The following PREX1 variants were observed in gnomAD, a reference collection of about 807,000 sequenced individuals.
PREX1 encodes phosphatidylinositol 3,4,5-trisphosphate-dependent Rac exchanger 1 protein.
PREX1 carries 41 observed loss-of-function variants against 198.3 expected under a neutral mutation model. That is an observed-to-expected ratio of 0.21 (90% CI 0.16 to 0.27). PREX1 has a LOEUF of 0.27. Among genes scored for constraint, PREX1 ranks in the 10% least tolerant of loss-of-function variants. The probability of loss-of-function intolerance (pLI) is 1.00; values close to 1 mark genes in which losing one functional copy is unlikely to be tolerated. For synonymous variants in PREX1, 843 were observed against 887.2 expected (o/e 0.95, Z 0.89); for missense variants, 1,620 against 2,200.7 (o/e 0.74, Z 5.28).
At chr20:48,703,258 T>C (rs761969467) in intron 6 of PREX1, among the ~76,000 whole-genome samples, 13 of 152,214 alleles carry the variant, frequency 8.5e-5, no homozygotes, top group Non-Finnish European at 1.8e-4. Flanking sequence ...GAGACCCCTC[T>C]GGAGACTGGG....
At chr20:48,726,669 G>A (rs1028689201) in intron 4 of PREX1, among the ~76,000 whole-genome samples, 3 of 152,126 alleles carry the variant, frequency 2.0e-5, no homozygotes, top group Non-Finnish European at 2.9e-5. Context: ...GAGCTGAGTT[G>A]TTGGGGAAAA....
intron 1 of PREX1, among the ~76,000 whole-genome samples, chr20:48,776,561 A>G (rs1265471454): frequency 1.3e-5 from 2 of 152,198 alleles, no homozygotes; most frequent in Non-Finnish European, 2.9e-5. Context: ...TCTAAAGCAC[A>G]TGACTCACAG....
At chr20:48,639,646 C>G in intron 30 of PREX1, 120 bp downstream of exon 30, 1 of 1,437,354 alleles carries the variant, frequency 7.0e-7, no homozygotes. Flanking sequence ...TTCTCTTGTC[C>G]TCTCCCTGGT....
At chr20:48,862,780 TAA>T in the PREX1 span, among the ~76,000 whole-genome samples, 528 of 99,242 alleles carry the variant, frequency 5.3e-3, 18 homozygotes, top group African/African-American at 0.017. Context: ...TAAAAAAGCC[TAA>T]AAAAAAAAAT....
chr20:48,722,229 GCA>G (rs2089989498), intron 5 of PREX1, among the ~76,000 whole-genome samples: 1 of 152,188 alleles, frequency 6.6e-6, no homozygotes, highest in Non-Finnish European at 1.5e-5. Flanking sequence ...GCTAATGAGT[GCA>G]TAAACACAAC....
intron 1 of PREX1, among the ~76,000 whole-genome samples, chr20:48,754,032 C>G (rs1302379090): frequency 1.3e-5 from 2 of 152,190 alleles, no homozygotes; most frequent in African/African-American, 4.8e-5. Context: ...GGGACAGAGG[C>G]TGGCACACAG....
intron 1 of PREX1, among the ~76,000 whole-genome samples, chr20:48,764,313 G>A (rs1403950113): frequency 6.6e-6 from 1 of 152,166 alleles, no homozygotes; most frequent in Admixed American, 6.5e-5. Flanking sequence ...TGACCATTGT[G>A]GTGGGCTGAA....
chr20:48,758,809 C>G (rs1254933302), intron 1 of PREX1, among the ~76,000 whole-genome samples: 1 of 152,172 alleles, frequency 6.6e-6, no homozygotes, highest in African/African-American at 2.4e-5. Flanking sequence ...CAAGACAATC[C>G]TATCGAAAAC....
chr20:48,858,132 G>A, the PREX1 span, among the ~76,000 whole-genome samples: 1 of 152,354 alleles, frequency 6.6e-6, no homozygotes, highest in African/African-American at 2.4e-5. Context: ...AGGCCTCCAT[G>A]GTTGGTGGGA....
At chr20:48,651,243 G>T (rs536654392) in intron 22 of PREX1, among the ~76,000 whole-genome samples, 153 bp downstream of exon 22, 1 of 152,382 alleles carries the variant, frequency 6.6e-6, no homozygotes, top group East Asian at 1.9e-4. Flanking sequence ...ACGCTACCTA[G>T]TGGTGGGACA....
rs758754461 is a variant in PREX1, at chr20:48,629,612, G to A, written c.4603C>T (p.Pro1535Ser). The A allele has an allele frequency of 6.2e-7, 1 of 1,614,016 alleles. No homozygotes were observed. Among genetic ancestry groups the A allele is most frequent in the Admixed American group, 1.7e-5 (1 of 60,006 alleles). The change falls in exon 37 of 40, where the codon CCC becomes TCC. Residue 1535 changes from proline (P) to serine (S), a missense_variant. Physicochemically the swap from Pro to Ser is moderately conservative, Grantham distance 74. This residue lies in a region of PREX1 where 476 missense variants were observed against 603.4 expected (regional missense o/e 0.79). Transcript: ENST00000371941. ...TAVKIDQLIR[P>S]INALDELCRL... ...CAGAGCTCATCCAGGGCATTGATGG[G>A]GCGGATCAGCTGTAGGGGGTACCAC...
At chr20:48,800,910 C>T (rs1029717574) in intron 1 of PREX1, among the ~76,000 whole-genome samples, 1 of 152,070 alleles carries the variant, frequency 6.6e-6, no homozygotes, top group Non-Finnish European at 1.5e-5. Context: ...CCCGCCATGG[C>T]CTCCCAAAGT....
intron 1 of PREX1, among the ~76,000 whole-genome samples, chr20:48,802,910 A>G (rs1022750585): frequency 6.6e-5 from 10 of 152,186 alleles, no homozygotes; most frequent in Non-Finnish European, 1.2e-4. Context: ...GGGAGTGAGG[A>G]GCGGGCAAGC....
At chr20:48,759,989 G>A (rs1442425423) in intron 1 of PREX1, among the ~76,000 whole-genome samples, 1 of 151,974 alleles carries the variant, frequency 6.6e-6, no homozygotes, top group African/African-American at 2.4e-5. Flanking sequence ...GCGCACACCT[G>A]TAGTCCCAGC....
In PREX1 at chr20:48,629,615, G is replaced by A. The variant is rs752102307; in HGVS notation, c.4600C>T (p.Arg1534Cys). 5.0e-6 allele frequency: 8 copies of A among 1,613,994 alleles called. No individual in the cohort carries two copies. The highest frequency in any genetic ancestry group is 6.8e-6 in the Non-Finnish European group (8 of 1,179,932). The change falls in exon 37 of 40, where the codon CGC becomes TGC. Residue 1534 changes from arginine to cysteine, a missense_variant. Transcript: ENST00000371941. The stretch of plus-strand genomic sequence containing the variant: ...AGCTCATCCAGGGCATTGATGGGGC[G>A]GATCAGCTGTAGGGGGTACCACACA... Reference protein sequence around the residue: ...TTAVKIDQLIRPINALDELCR... With the variant: ...TTAVKIDQLICPINALDELCR...
the PREX1 span, among the ~76,000 whole-genome samples, chr20:48,883,021 C>T: frequency 2.0e-5 from 3 of 151,204 alleles, no homozygotes; most frequent in Admixed American, 2.0e-4. Flanking sequence ...GACCTCTCAG[C>T]CTCCCGGGTT....
intron 1 of PREX1, among the ~76,000 whole-genome samples, chr20:48,762,412 T>C (rs2090185317): frequency 1.3e-5 from 2 of 152,188 alleles, no homozygotes; most frequent in South Asian, 4.1e-4. Flanking sequence ...CCCTGCCCTC[T>C]ACCCTCTAGA....
At chr20:48,738,055 G>A (rs1270539322) in intron 3 of PREX1, among the ~76,000 whole-genome samples, 2 of 152,184 alleles carry the variant, frequency 1.3e-5, no homozygotes, top group East Asian at 1.9e-4. Flanking sequence ...GAAAGACATG[G>A]ACCCAAATCT....
At chr20:48,689,348 A>G (rs972926330) in intron 9 of PREX1, among the ~76,000 whole-genome samples, 2 of 152,068 alleles carry the variant, frequency 1.3e-5, no homozygotes, top group African/African-American at 4.8e-5. Flanking sequence ...ACGCCACATG[A>G]GAAACCCGCA....
Sources: allele counts gnomAD v4.1 joint callset (sites outside exome capture counted in the v4.1 genomes callset), GRCh38; gene constraint gnomAD v4.1.1; regional missense constraint gnomAD v4.1.1; transcripts MANE v1.5; gene names NCBI Gene and HGNC (gene_info 2026-07-23, HGNC 2026-07-21).